The following NELL1 variants were observed in gnomAD, a reference collection of about 807,000 sequenced individuals.
The protein encoded by NELL1 is neural EGFL like 1, also known as protein kinase C-binding protein NELL1.
NELL1 carries 76 observed loss-of-function variants against 107.4 expected under a neutral mutation model. The ratio of observed to expected loss-of-function variants is 0.71; its 90% CI spans 0.59 to 0.86. NELL1 has a LOEUF of 0.86. Among genes scored for constraint, NELL1 ranks in the 40% least tolerant of loss-of-function variants. The probability of loss-of-function intolerance (pLI) is 0.00; values close to 1 mark genes in which losing one functional copy is unlikely to be tolerated. For synonymous variants in NELL1, 353 were observed against 341.2 expected, an observed-to-expected ratio of 1.03 and a Z score of -0.38; for missense variants, 1,024 against 1,005.5, an observed-to-expected ratio of 1.02 and a Z score of -0.25.
At chr11:20,923,102 T>G (rs1422124011) in intron 7 of NELL1, among the ~76,000 whole-genome samples, 2 of 152,146 alleles carry the variant, frequency 1.3e-5, no homozygotes, top group African/African-American at 4.8e-5. Flanking sequence ...CTAGGAGTCC[T>G]GGAAAACAGC....
intron 13 of NELL1, among the ~76,000 whole-genome samples, chr11:21,119,296 T>A (rs1332369033): frequency 6.7e-6 from 1 of 150,210 alleles, no homozygotes; most frequent in African/African-American, 2.5e-5. Flanking sequence ...CCTGAGACAG[T>A]GGATGCTAAG....
chr11:21,369,553 G>A (rs1214177364), intron 14 of NELL1, among the ~76,000 whole-genome samples: 1 of 151,692 alleles, frequency 6.6e-6, no homozygotes. Flanking sequence ...TATTGTGAGG[G>A]GTTCTACGTA....
chr11:21,093,118 TG>T lies in NELL1; in HGVS notation c.1301-20469del, dbSNP rs1446805855. ...CCGATTTGTAGTTTATTGATTTCTT[TG>T]GTGTAAATATTTCCATCAACAGGCC... On this transcript the variant is annotated intron_variant, in intron 12 of 19. Coordinates refer to ENST00000357134, the MANE Select transcript of NELL1 (RefSeq NM_006157.5). Among the ~76,000 whole-genome samples the T allele has an allele frequency of 7.2e-5, 11 of 152,194 alleles. No homozygotes were observed. In the South Asian group the frequency reaches 1.7e-3, roughly 23 times the overall value.
intron 15 of NELL1, among the ~76,000 whole-genome samples, chr11:21,467,313 G>A (rs4244551): frequency 0.31 from 47,386 of 151,838 alleles, 8,734 homozygotes; most frequent in Middle Eastern, 0.41. Context: ...AACTCAATGA[G>A]TCAATAATGT....
At chr11:20,816,993 T>A (rs528069446) in intron 3 of NELL1, among the ~76,000 whole-genome samples, 1 of 152,338 alleles carries the variant, frequency 6.6e-6, no homozygotes, top group African/African-American at 2.4e-5. Context: ...TAAAGCTCAC[T>A]TGATCATGAA....
chr11:20,882,347 T>C (rs16906990), intron 4 of NELL1, among the ~76,000 whole-genome samples: 8,047 of 152,294 alleles, frequency 0.053, 686 homozygotes, highest in African/African-American at 0.18. Flanking sequence ...ATCGATAACA[T>C]TGTTTTGCAT....
intron 13 of NELL1, among the ~76,000 whole-genome samples, chr11:21,212,564 A>G (rs1235435499): frequency 2.0e-5 from 3 of 152,274 alleles, no homozygotes; most frequent in Non-Finnish European, 4.4e-5. Flanking sequence ...ACTGAAGTAA[A>G]GTCACTGGAG....
At chr11:21,239,800 C>T (rs1259810200) in intron 14 of NELL1, among the ~76,000 whole-genome samples, 1 of 152,004 alleles carries the variant, frequency 6.6e-6, no homozygotes, top group African/African-American at 2.4e-5. Context: ...GTTCTTGGCT[C>T]TCTGGGACCA....
At chr11:21,443,602 A>T (rs913255016) in intron 15 of NELL1, among the ~76,000 whole-genome samples, 3 of 151,712 alleles carry the variant, frequency 2.0e-5, no homozygotes, top group Non-Finnish European at 4.4e-5. Flanking sequence ...TTTAAAATGG[A>T]AGTAGGTTGG....
intron 2 of NELL1, among the ~76,000 whole-genome samples, chr11:20,759,078 G>A (rs1856360866): frequency 6.6e-6 from 1 of 152,184 alleles, no homozygotes; most frequent in Admixed American, 6.5e-5. Flanking sequence ...AAATTATGCA[G>A]CTGTTAAGCA....
intron 3 of NELL1, among the ~76,000 whole-genome samples, chr11:20,808,882 G>A (rs1857441020): frequency 6.6e-6 from 1 of 152,176 alleles, no homozygotes; most frequent in Non-Finnish European, 1.5e-5. Flanking sequence ...GAGGGATGGG[G>A]TCAGCAATTC....
intron 3 of NELL1, among the ~76,000 whole-genome samples, chr11:20,847,361 C>T (rs570490273): frequency 6.6e-6 from 1 of 152,114 alleles, no homozygotes; most frequent in African/African-American, 2.4e-5. Context: ...CATGGTGGAC[C>T]AATTGATCTC....
chr11:21,337,873 C>CT (rs1850470562), intron 14 of NELL1, among the ~76,000 whole-genome samples: 1 of 142,554 alleles, frequency 7.0e-6, no homozygotes, highest in Non-Finnish European at 1.5e-5. Flanking sequence ...TTCTTTCTTT[C>CT]TTTCTTTCTT....
chr11:21,216,873 T>C (rs538945156), intron 13 of NELL1, among the ~76,000 whole-genome samples: 5 of 152,270 alleles, frequency 3.3e-5, no homozygotes, highest in Non-Finnish European at 4.4e-5. Flanking sequence ...TGGGGGACTG[T>C]TGGCAAGGCA....
chr11:21,522,478 A>T (rs895796119), intron 15 of NELL1, among the ~76,000 whole-genome samples: 2 of 152,222 alleles, frequency 1.3e-5, no homozygotes, highest in Admixed American at 6.5e-5. Context: ...GACAAATGCC[A>T]CATGTTCTCA....
intron 5 of NELL1, among the ~76,000 whole-genome samples, chr11:20,899,926 A>G (rs1443400609): frequency 2.0e-5 from 3 of 152,148 alleles, no homozygotes; most frequent in Non-Finnish European, 4.4e-5. Context: ...TAGCTTCATT[A>G]AAGTGATGAG....
chr11:21,536,962 G>A lies in NELL1; in HGVS notation c.1786+2448G>A, dbSNP rs372643922. On this transcript the variant is annotated intron_variant, in intron 16 of 19. Transcript: ENST00000357134. ...TAAAATTCCTGCACTCTCAAGGAGC[G>A]TCTTTCTTCATCTACAACCTGATCC... 1.6e-4 allele frequency among the ~76,000 whole-genome samples: 25 copies of A among 152,296 alleles called. No individual in the cohort carries two copies. In the East Asian group the frequency reaches 3.9e-3, roughly 24 times the overall value.
chr11:20,753,641 G>A (rs1856195049), intron 2 of NELL1, among the ~76,000 whole-genome samples: 1 of 152,214 alleles, frequency 6.6e-6, no homozygotes, highest in African/African-American at 2.4e-5. Context: ...AATGGCTTAA[G>A]TAAAAGGGAG....
intron 12 of NELL1, among the ~76,000 whole-genome samples, chr11:20,967,868 T>C (rs1851417994): frequency 6.6e-6 from 1 of 152,200 alleles, no homozygotes; most frequent in Non-Finnish European, 1.5e-5. Flanking sequence ...TGTCAGGCCC[T>C]ATGTGAACTG....
Sources: allele counts gnomAD v4.1 joint callset (sites outside exome capture counted in the v4.1 genomes callset), GRCh38; gene constraint gnomAD v4.1.1; transcripts MANE v1.5; gene names NCBI Gene and HGNC (gene_info 2026-07-23, HGNC 2026-07-21).